GPATCH8: variants seen among roughly 807,000 people sequenced by gnomAD.
GPATCH8 encodes the protein G patch domain-containing protein 8.
A neutral mutation model predicts 118.3 loss-of-function variants in GPATCH8; 18 were observed. The observed-to-expected ratio is 0.15, with a 90% CI of 0.11 to 0.23. The LOEUF is 0.23. Ranked by LOEUF, GPATCH8 falls within the 10% of genes least tolerant of loss-of-function variation. The pLI is 1.00. For synonymous variants in GPATCH8, 659 were observed against 684.7 expected, an observed-to-expected ratio of 0.96 and a Z score of 0.59; for missense variants, 1,631 against 1,873.8, an observed-to-expected ratio of 0.87 and a Z score of 2.39.
Position 44,395,322 on chromosome 17 carries a change from A to AT in GPATCH8, c.*2245dup. ...GTTTATTAGAAAGTTCCTTTCCCTCATTTTACAGCATATATATCTCTATCA... is the reference window on the plus strand; with the variant it reads ...GTTTATTAGAAAGTTCCTTTCCCTCATTTTTACAGCATATATATCTCTATCA... On this transcript the variant is annotated 3_prime_UTR_variant, in exon 8 of 8. Coordinates refer to ENST00000591680, the MANE Select transcript of GPATCH8 (RefSeq NM_001002909.4). The AT allele has an allele frequency of 2.5e-6, 1 of 401,310 alleles. No individual in the cohort carries two copies. The highest frequency in any genetic ancestry group is 4.9e-6 in the Non-Finnish European group (1 of 204,726). The allele number at this position is 401,310 out of a possible 1,614,324, so 24.9% of individuals were successfully genotyped here.
chr17:44,432,560 G>T (rs1000960862), intron 5 of GPATCH8, among the ~76,000 whole-genome samples: 1 of 152,196 alleles, frequency 6.6e-6, no homozygotes, highest in East Asian at 1.9e-4. Context: ...TAACGGGACA[G>T]GCTTTTGGTG....
chr17:44,454,839 A>T (rs1216065494), intron 3 of GPATCH8, among the ~76,000 whole-genome samples: 1 of 152,218 alleles, frequency 6.6e-6, no homozygotes, highest in African/African-American at 2.4e-5. Flanking sequence ...TCCATTAAAA[A>T]GGTCAAAGGC....
chr17:44,502,935 G>A (rs915064093), intron 1 of GPATCH8, among the ~76,000 whole-genome samples: 1 of 152,192 alleles, frequency 6.6e-6, no homozygotes, highest in Non-Finnish European at 1.5e-5. Context: ...GGAAGCCTTG[G>A]CCTCAGCAAT....
At chr17:44,479,639 G>A (rs144176167) in intron 1 of GPATCH8, among the ~76,000 whole-genome samples, 3 of 152,220 alleles carry the variant, frequency 2.0e-5, no homozygotes, top group South Asian at 2.1e-4. Context: ...AAATATTTTC[G>A]TAGAGACAAC....
chr17:44,424,225 G>T, intron 6 of GPATCH8, 124 bp downstream of exon 6: 1 of 739,822 alleles, frequency 1.4e-6, no homozygotes. Context: ...TTGGATGACT[G>T]CAGATAAAGA....
In GPATCH8 at chr17:44,400,125, T is replaced by C. The variant is rs1182802310; in HGVS notation, c.1952A>G (p.His651Arg). 3.7e-6 allele frequency: 6 copies of C among 1,613,892 alleles called. No individual in the cohort carries two copies. Among genetic ancestry groups the C allele is most frequent in the Non-Finnish European group, 5.1e-6 (6 of 1,180,034 alleles). The change falls in exon 8 of 8, where the codon CAT becomes CGT. Residue 651 changes from histidine to arginine, a missense_variant. By Grantham distance (29) the His-to-Arg change is conservative (BLOSUM62 0). This residue lies in a region of GPATCH8 where 922 missense variants were observed against 879.7 expected (regional missense o/e 1.05). Transcript: ENST00000591680. ...GLNKQEPGGS[H>R]GSETEDTGRS... is the part of the protein sequence containing the mutation. The stretch of plus-strand genomic sequence containing the variant: ...CCCTGTGTCTTCTGTCTCAGACCCA[T>C]GGCTACCCCCAGGCTCCTGCTTGTT...
chr17:44,443,782 T>A (rs996727803), intron 3 of GPATCH8, among the ~76,000 whole-genome samples: 3 of 152,146 alleles, frequency 2.0e-5, no homozygotes, highest in African/African-American at 7.2e-5. Context: ...AATCCTCCCA[T>A]CTCAGCTTCC....
At chr17:44,497,607 A>T (rs1242476414) in intron 1 of GPATCH8, among the ~76,000 whole-genome samples, 2 of 151,964 alleles carry the variant, frequency 1.3e-5, no homozygotes, top group African/African-American at 2.4e-5. Context: ...TTTTTTATTT[A>T]AAAAAATTAA....
chr17:44,397,813 T>G lies in GPATCH8; in HGVS notation c.4264A>C (p.Thr1422Pro). 3 of 1,583,944 alleles carry G rather than the reference T, an allele frequency of 1.9e-6. No individual in the cohort carries two copies. Among genetic ancestry groups the G allele is most frequent in the South Asian group, 1.2e-5 (1 of 86,154 alleles). Residue 1422 changes from threonine (T) to proline (P), a missense_variant, in exon 8 of 8, where the codon ACT (threonine) becomes CCT (proline). This residue lies in a region of GPATCH8 where 111 missense variants were observed against 112.4 expected (regional missense o/e 0.99). Transcript: ENST00000591680. ...GGGTGGCCAGGGATGATTGAGTGAG[T>G]GAGGTGGGACAAAGAAATGGGGGTC... ...HLTPISLSHL[T>P]HSIIPGHPAT...
At chr17:44,481,164 C>T (rs2144409804) in intron 1 of GPATCH8, among the ~76,000 whole-genome samples, 1 of 152,304 alleles carries the variant, frequency 6.6e-6, no homozygotes, top group African/African-American at 2.4e-5. Flanking sequence ...ATCTTAGCCT[C>T]CCGAAGTGCT....
At chr17:44,469,079 CT>C (rs1219680639) in intron 2 of GPATCH8, among the ~76,000 whole-genome samples, 29 of 152,116 alleles carry the variant, frequency 1.9e-4, no homozygotes, top group South Asian at 6.2e-4. Flanking sequence ...CTCAGTTGGC[CT>C]TTTTTTCTCC....
Position 44,414,903 on chromosome 17 carries a change from C to T in GPATCH8, c.493-8852G>A, listed in dbSNP as rs192782556. On this transcript the variant is annotated intron_variant, in intron 6 of 7. Coordinates refer to ENST00000591680, the MANE Select transcript of GPATCH8 (RefSeq NM_001002909.4). ...TCAAGATTCATGCATGTTGTATATA[C>T]CAGTAAGTCCTTCCTTTTTATTGCT... is the stretch of plus-strand genomic sequence containing the variant. 2.9e-3 allele frequency among the ~76,000 whole-genome samples: 447 copies of T among 152,266 alleles called. 2 individuals are homozygous for T. The highest frequency in any genetic ancestry group is 0.01 in the African/African-American group (428 of 41,552).
chr17:44,455,292 G>C (rs1400003767), intron 3 of GPATCH8, among the ~76,000 whole-genome samples: 1 of 151,952 alleles, frequency 6.6e-6, no homozygotes, highest in Admixed American at 6.6e-5. Context: ...ACCTGAGTTC[G>C]GGAGTTCGAG....
At chr17:44,431,378 GAAAAAAAAA>G (rs776468380) in intron 5 of GPATCH8, among the ~76,000 whole-genome samples, 9 of 47,808 alleles carry the variant, frequency 1.9e-4, no homozygotes, top group Non-Finnish European at 3.9e-4. Flanking sequence ...TCTCAAAAAG[GAAAAAAAAA>G]AAAAAAAAAA....
intron 3 of GPATCH8, among the ~76,000 whole-genome samples, chr17:44,449,941 C>T (rs1408526059): frequency 6.6e-6 from 1 of 152,198 alleles, no homozygotes. Context: ...TTAGCAGTTT[C>T]ACCTCAGATA....
rs200958648 is a variant in GPATCH8, at chr17:44,399,972, G to A, written c.2105C>T (p.Ala702Val). 6.2e-7 allele frequency: 1 copy of A among 1,613,976 alleles called. No individual in the cohort carries two copies. Among genetic ancestry groups the A allele is most frequent in the East Asian group, 2.2e-5 (1 of 44,878 alleles). ...CTTCTTAGATTTCTCCCCTGACTCTGCCTTAGAGCTTTTCTCTTCTGTGTC... is the reference window on the plus strand; with the variant it reads ...CTTCTTAGATTTCTCCCCTGACTCTACCTTAGAGCTTTTCTCTTCTGTGTC... ...KADTEEKSSK[A>V]ESGEKSKKRK... Residue 702 changes from alanine (A) to valine (V), a missense_variant, in exon 8 of 8, where the codon GCA becomes GTA. By Grantham distance (64) the Ala-to-Val change is moderately conservative. Coordinates refer to ENST00000591680, the MANE Select transcript of GPATCH8 (RefSeq NM_001002909.4).
At chr17:44,498,961 T>G (rs527841575) in intron 1 of GPATCH8, among the ~76,000 whole-genome samples, 2 of 152,194 alleles carry the variant, frequency 1.3e-5, no homozygotes, top group Non-Finnish European at 2.9e-5. Context: ...TGGTTACATA[T>G]GGAAACACAA....
intron 2 of GPATCH8, among the ~76,000 whole-genome samples, chr17:44,466,769 A>G (rs1345789881): frequency 6.6e-6 from 1 of 152,234 alleles, no homozygotes; most frequent in Non-Finnish European, 1.5e-5. Flanking sequence ...CAACTGAATA[A>G]TTCTAGGAAG....
At chr17:44,401,533 C>T in intron 7 of GPATCH8, 80 bp from the exon 8 acceptor site, 1 of 896,306 alleles carries the variant, frequency 1.1e-6, no homozygotes, top group Non-Finnish European at 1.9e-6. Context: ...ATACTAATCT[C>T]TTATATCCTA....
Sources: allele counts gnomAD v4.1 joint callset (sites outside exome capture counted in the v4.1 genomes callset), GRCh38; gene constraint gnomAD v4.1.1; regional missense constraint gnomAD v4.1.1; transcripts MANE v1.5; gene names NCBI Gene and HGNC (gene_info 2026-07-23, HGNC 2026-07-21).